The following DNAH6 variants were observed in gnomAD, a reference collection of about 807,000 sequenced individuals.
DNAH6 encodes axonemal beta dynein heavy chain 6.
A neutral mutation model predicts 491.4 loss-of-function variants in DNAH6; 340 were observed. The ratio of observed to expected loss-of-function variants is 0.69; its 90% confidence interval spans 0.63 to 0.76. The LOEUF (loss-of-function observed/expected upper bound fraction) is 0.76, where lower values mean the gene tolerates loss of function less well. DNAH6 is among the 30% of genes least tolerant of loss of function. The pLI, the probability that DNAH6 is intolerant of heterozygous loss-of-function variation, is 0.00. For synonymous variants in DNAH6, 1,603 were observed against 1,686.1 expected, an observed-to-expected ratio of 0.95 and a Z score of 1.21; for missense variants, 4,443 against 4,972.2, an observed-to-expected ratio of 0.89 and a Z score of 3.20.
intron 64 of DNAH6, among the ~76,000 whole-genome samples, chr2:84,775,082 C>A (rs545131644): frequency 2.6e-5 from 4 of 152,040 alleles, no homozygotes; most frequent in Non-Finnish European, 5.9e-5. Flanking sequence ...TTGTCTTGTT[C>A]CAGTTCTCAA....
intron 70 of DNAH6, among the ~76,000 whole-genome samples, chr2:84,799,293 C>G (rs1034940441): frequency 7.2e-5 from 11 of 152,318 alleles, no homozygotes; most frequent in African/African-American, 9.6e-5. Context: ...CAGCCCACCC[C>G]TCTTTTTCCA....
Position 84,660,398 on chromosome 2 carries a change from T to C in DNAH6, c.6084+1229T>C, listed in dbSNP as rs552614162. On this transcript the variant is annotated intron_variant, in intron 37 of 76. Transcript: ENST00000389394. ...TGTAAGTCCATACTCATAATAAAAA[T>C]ATGCATGACTATGTAAATAAGTAGA... Among the ~76,000 whole-genome samples, 207 of 152,216 alleles carry C rather than the reference T, an allele frequency of 1.4e-3. 1 individual carries two copies. The highest frequency in any genetic ancestry group is 1.8e-3 in the Non-Finnish European group (125 of 68,014).
rs1695169488 is a variant in DNAH6 at position 84,694,308 on chromosome 2, C to G, written c.7352C>G (p.Thr2451Arg). 6.4e-7 allele frequency: 1 copy of G among 1,552,134 alleles called. No individual in the cohort carries two copies. Among genetic ancestry groups the G allele is most frequent in the African/African-American group, 1.4e-5 (1 of 73,042 alleles). Reference sequence around the variant, plus strand: ...GCCCTGCTTGTTGGAGTAGGAGGCACAGGAAAGCAGTCACTCACGAGACTT... The same window carrying G: ...GCCCTGCTTGTTGGAGTAGGAGGCAGAGGAAAGCAGTCACTCACGAGACTT... ...GNALLVGVGG[T>R]GKQSLTRLAA... Residue 2451 changes from threonine (T) to arginine (R), a missense_variant, in exon 46 of 77, where the codon ACA (threonine) becomes AGA (arginine). This residue lies in a region of DNAH6 where 2,977 missense variants were observed against 3,296.6 expected (regional missense o/e 0.90). Coordinates refer to ENST00000389394, the MANE Select transcript of DNAH6 (RefSeq NM_001370.2).
chr2:84,488,586 A>G, the DNAH6 span, among the ~76,000 whole-genome samples: 171 of 151,722 alleles, frequency 1.1e-3, 3 homozygotes, highest in South Asian at 0.035. Flanking sequence ...TACCACTCCA[A>G]CCTCTACTTC....
intron 33 of DNAH6, among the ~76,000 whole-genome samples, chr2:84,650,783 TATTG>T (rs1690384016): frequency 6.6e-6 from 1 of 152,238 alleles, no homozygotes; most frequent in African/African-American, 2.4e-5. Flanking sequence ...TGTTAGCATC[TATTG>T]ATTGTCTCTC....
chr2:84,697,562 CT>C lies in DNAH6; in HGVS notation c.7525-10del. The C allele has an allele frequency of 1.3e-6, 2 of 1,543,550 alleles. No homozygotes were observed. Among genetic ancestry groups the C allele is most frequent in the East Asian group, 2.4e-5 (1 of 40,828 alleles). ...ATTGAGCAAGTTGTAATGATCACTG[CT>C]TTCTTCTACAGATTGTAGTGGAGGA... On this transcript the variant is annotated splice_polypyrimidine_tract_variant and intron_variant, in intron 46 of 76. Coordinates refer to ENST00000389394, the MANE Select transcript of DNAH6 (RefSeq NM_001370.2).
intron 72 of DNAH6, among the ~76,000 whole-genome samples, chr2:84,808,796 T>C (rs1198836838): frequency 1.3e-5 from 2 of 152,276 alleles, no homozygotes; most frequent in South Asian, 2.1e-4. Flanking sequence ...CCTTAGATTC[T>C]ATTGACTCAC....
chr2:84,507,367 T>A, the DNAH6 span, among the ~76,000 whole-genome samples: 1 of 152,248 alleles, frequency 6.6e-6, no homozygotes, highest in Non-Finnish European at 1.5e-5. Context: ...GCTCTCTGTT[T>A]GTCTGTTATT....
At chr2:84,556,202 C>T (rs1044868145) in intron 10 of DNAH6, among the ~76,000 whole-genome samples, 3 of 152,160 alleles carry the variant, frequency 2.0e-5, no homozygotes, top group African/African-American at 7.2e-5. Context: ...TCCTGTTCAA[C>T]TTCATGTAAC....
At chr2:84,593,484 A>G (rs554271875) in intron 16 of DNAH6, among the ~76,000 whole-genome samples, 2 of 152,304 alleles carry the variant, frequency 1.3e-5, no homozygotes, top group East Asian at 3.9e-4. Flanking sequence ...GTTCATATAA[A>G]GTCGTGGTTA....
At chr2:84,667,803 G>A (rs577373149) in intron 37 of DNAH6, among the ~76,000 whole-genome samples, 9 of 152,108 alleles carry the variant, frequency 5.9e-5, no homozygotes, top group East Asian at 5.8e-4. Context: ...TGTTTATTGC[G>A]GCACTATTTA....
At chr2:84,561,253 T>C (rs1680641494) in intron 11 of DNAH6, among the ~76,000 whole-genome samples, 2 of 152,132 alleles carry the variant, frequency 1.3e-5, no homozygotes, top group South Asian at 4.1e-4. Flanking sequence ...AACTATCTGA[T>C]CTTTGACAAA....
chr2:84,594,086 G>A lies in DNAH6; in HGVS notation c.2724+1G>A, dbSNP rs1437903220. ...TAAACTCCAACAAGAATGGTTAAAG[G>A]TAGGGGAAAAAAGCCTTCAGTTCTC... is the stretch of plus-strand genomic sequence containing the variant. On this transcript the variant is annotated splice_donor_variant, in intron 17 of 76. Transcript: ENST00000389394. LOFTEE classifies it high-confidence loss of function. 2.0e-6 allele frequency: 3 copies of A among 1,506,812 alleles called. No individual in the cohort carries two copies. Among genetic ancestry groups the A allele is most frequent in the East Asian group, 2.5e-5 (1 of 40,434 alleles). 93.3% of individuals were successfully genotyped at this position (1,506,812 alleles called of 1,614,324 possible). A position where few individuals can be genotyped will look rare whatever the true frequency, so the allele number is the denominator to read the frequency against.
At chr2:84,688,253 A>AAG (rs1694478957) in intron 44 of DNAH6, among the ~76,000 whole-genome samples, 186 bp from the exon 45 acceptor site, 1 of 151,902 alleles carries the variant, frequency 6.6e-6, no homozygotes, top group Non-Finnish European at 1.5e-5. Flanking sequence ...AAAAAAAAAA[A>AAG]AAGTGAAATC....
At chr2:84,682,389 G>T (rs78210809) in intron 42 of DNAH6, among the ~76,000 whole-genome samples, 5,434 of 152,222 alleles carry the variant, frequency 0.036, 355 homozygotes, top group African/African-American at 0.12. Flanking sequence ...TGTTGGGGCC[G>T]CAGGGCTCGG....
At chr2:84,499,528 T>C in the DNAH6 span, among the ~76,000 whole-genome samples, 1 of 152,238 alleles carries the variant, frequency 6.6e-6, no homozygotes, top group South Asian at 2.1e-4. Flanking sequence ...CTCTTCAATA[T>C]ACTGATTTCC....
Position 84,611,833 on chromosome 2 carries a change from C to G in DNAH6, c.3454C>G (p.Leu1152Val). The G allele has an allele frequency of 1.3e-6, 2 of 1,550,518 alleles. No homozygotes were observed. Among genetic ancestry groups the G allele is most frequent in the Non-Finnish European group, 1.7e-6 (2 of 1,146,366 alleles). Residue 1152 changes from leucine (L) to valine (V), a missense_variant, in exon 22 of 77, where the codon CTT becomes GTT. This residue lies in a region of DNAH6 where 2,977 missense variants were observed against 3,296.6 expected (regional missense o/e 0.90). Transcript: ENST00000389394. Reference sequence around the variant, plus strand: ...AAAGGTGAATCGGCTGCCTAATGCTCTTCGAGCCGCTACTCAGCCAGGTAT... The same window carrying G: ...AAAGGTGAATCGGCTGCCTAATGCTGTTCGAGCCGCTACTCAGCCAGGTAT... ...MRKVNRLPNA[L>V]RAATQPGLLE...
At chr2:84,708,920 C>G (rs1396880380) in intron 54 of DNAH6, among the ~76,000 whole-genome samples, 1 of 152,212 alleles carries the variant, frequency 6.6e-6, no homozygotes, top group African/African-American at 2.4e-5. Context: ...GACTGCACCA[C>G]TCATTGAAGG....
At chr2:84,807,764 C>G (rs1016460737) in intron 71 of DNAH6, among the ~76,000 whole-genome samples, 2 of 152,196 alleles carry the variant, frequency 1.3e-5, no homozygotes, top group Admixed American at 6.5e-5. Flanking sequence ...TTCCTATGCC[C>G]TCCTGCCAAC....
Sources: gnomAD v4.1 joint callset for allele counts (sites outside exome capture counted in the v4.1 genomes callset) on GRCh38, gnomAD v4.1.1 for gene constraint, gnomAD v4.1.1 regional missense constraint, MANE v1.5 for transcripts, NCBI Gene and HGNC (gene_info 2026-07-23, HGNC 2026-07-21) for gene names.